The following MCC variants were observed in gnomAD, a reference collection of about 807,000 sequenced individuals.
The protein encoded by MCC is MCC regulator of Wnt signaling pathway.
In MCC, 90 loss-of-function variants were observed where a neutral mutation model predicts 116.2. That is an observed-to-expected ratio of 0.77 (90% CI 0.65 to 0.92). The LOEUF is 0.92. Among genes scored for constraint, MCC ranks in the 40% least tolerant of loss-of-function variants. The pLI, the probability that MCC is intolerant of heterozygous loss-of-function variation, is 0.00. For missense variants in MCC, 1,516 were observed against 1,312.2 expected (o/e 1.16, Z -2.40); for synonymous variants, 578 against 510.5 (o/e 1.13, Z -1.78).
intron 17 of MCC, among the ~76,000 whole-genome samples, chr5:113,031,075 G>T (rs934451899): frequency 1.7e-4 from 26 of 152,162 alleles, no homozygotes; most frequent in African/African-American, 6.3e-4. Context: ...TTACATTTCT[G>T]CCTTTAGCTA....
intron 3 of MCC, among the ~76,000 whole-genome samples, chr5:113,196,835 T>C (rs575600704): frequency 6.6e-6 from 1 of 152,200 alleles, no homozygotes; most frequent in South Asian, 2.1e-4. Flanking sequence ...CAAGACTCTA[T>C]CTCAAAAATC....
chr5:113,207,505 T>G (rs1762961827), intron 3 of MCC, among the ~76,000 whole-genome samples: 1 of 152,082 alleles, frequency 6.6e-6, no homozygotes, highest in Admixed American at 6.5e-5. Flanking sequence ...GAACTGAATC[T>G]TAGAGAATGG....
intron 11 of MCC, among the ~76,000 whole-genome samples, chr5:113,078,749 A>T (rs944510578): frequency 6.6e-6 from 1 of 152,238 alleles, no homozygotes; most frequent in African/African-American, 2.4e-5. Context: ...AAACTGGCAC[A>T]AGACAGGGAT....
At chr5:113,120,930 C>A (rs764819291) in intron 6 of MCC, among the ~76,000 whole-genome samples, 6 of 152,226 alleles carry the variant, frequency 3.9e-5, no homozygotes, top group Non-Finnish European at 7.3e-5. Flanking sequence ...AAAACACGAT[C>A]TCCACCTATC....
chr5:113,134,504 G>T (rs1225190090), intron 5 of MCC, among the ~76,000 whole-genome samples: 1 of 145,206 alleles, frequency 6.9e-6, no homozygotes, highest in Non-Finnish European at 1.5e-5. Flanking sequence ...CAAGTAGTGT[G>T]ATCCCTCCAG....
At chr5:113,028,411 C>A (rs1466936807) in intron 18 of MCC, among the ~76,000 whole-genome samples, 1 of 151,132 alleles carries the variant, frequency 6.6e-6, no homozygotes, top group Non-Finnish European at 1.5e-5. Flanking sequence ...ATAATAAAAA[C>A]TTTAAATAAT....
intron 2 of MCC, among the ~76,000 whole-genome samples, chr5:113,359,969 A>C (rs1561537394): frequency 6.6e-6 from 1 of 152,192 alleles, no homozygotes; most frequent in African/African-American, 2.4e-5. Flanking sequence ...AAGGCATATT[A>C]ATGGAAGCCA....
At chr5:113,216,083 G>T (rs1236295025) in intron 3 of MCC, among the ~76,000 whole-genome samples, 1 of 152,168 alleles carries the variant, frequency 6.6e-6, no homozygotes, top group Non-Finnish European at 1.5e-5. Context: ...TGTGAATAAA[G>T]TTTTATTGGA....
intron 2 of MCC, among the ~76,000 whole-genome samples, chr5:113,346,279 A>G (rs941986237): frequency 3.3e-5 from 5 of 152,164 alleles, no homozygotes; most frequent in African/African-American, 1.2e-4. Flanking sequence ...AAGAGGAGAT[A>G]GAGACAGAGA....
intron 5 of MCC, among the ~76,000 whole-genome samples, chr5:113,142,250 T>G (rs139815926): frequency 2.6e-5 from 4 of 151,904 alleles, no homozygotes; most frequent in African/African-American, 9.7e-5. Flanking sequence ...CCTCTGAAAC[T>G]GTTTTAAAAT....
intron 3 of MCC, among the ~76,000 whole-genome samples, chr5:113,250,328 G>A (rs1764749091): frequency 6.6e-6 from 1 of 152,148 alleles, no homozygotes; most frequent in African/African-American, 2.4e-5. Context: ...CGTCCAACGT[G>A]GGAAAACTGG....
At chr5:113,337,637 T>A (rs1767900905) in intron 3 of MCC, among the ~76,000 whole-genome samples, 1 of 152,204 alleles carries the variant, frequency 6.6e-6, no homozygotes, top group South Asian at 2.1e-4. Context: ...ATCATTTATA[T>A]TAAACTTTCC....
At chr5:113,447,106 T>C (rs1771244030) in intron 1 of MCC, among the ~76,000 whole-genome samples, 1 of 152,072 alleles carries the variant, frequency 6.6e-6, no homozygotes, top group East Asian at 1.9e-4. Context: ...GGATGAAAAA[T>C]AGGCATAAAT....
chr5:113,107,893 T>C (rs903470555), intron 6 of MCC, among the ~76,000 whole-genome samples: 1 of 152,232 alleles, frequency 6.6e-6, no homozygotes, highest in East Asian at 1.9e-4. Context: ...ATGTGACTAG[T>C]ATTTCCTTCT....
chr5:113,451,860 T>A (rs1213222798), intron 1 of MCC, among the ~76,000 whole-genome samples: 1 of 152,212 alleles, frequency 6.6e-6, no homozygotes, highest in East Asian at 1.9e-4. Flanking sequence ...GCTTAAAAAA[T>A]CAGTGTGTTT....
chr5:113,471,193 T>C (rs1182995052), intron 1 of MCC, among the ~76,000 whole-genome samples: 3 of 152,238 alleles, frequency 2.0e-5, no homozygotes, highest in Non-Finnish European at 4.4e-5. Flanking sequence ...TCATTCTCTG[T>C]CCAGCTTTGT....
chr5:113,294,418 C>T (rs1299894879), intron 3 of MCC: 1 of 1,613,434 alleles, frequency 6.2e-7, no homozygotes, highest in Non-Finnish European at 8.5e-7. Flanking sequence ...TCTCAGTCCC[C>T]CAGGTCTCGG....
chr5:113,297,749 C>CAAAAAA (rs57148050), intron 3 of MCC, among the ~76,000 whole-genome samples: 9 of 60,538 alleles, frequency 1.5e-4, no homozygotes, highest in Admixed American at 4.7e-4. Context: ...GACTCTGTCT[C>CAAAAAA]AAAAAAAAAA....
chr5:113,412,343 A>T (rs973681553), intron 1 of MCC, among the ~76,000 whole-genome samples: 15 of 152,154 alleles, frequency 9.9e-5, no homozygotes, highest in African/African-American at 3.6e-4. Context: ...ATGGCATTGA[A>T]TCTATAAATT....
Sources: allele counts gnomAD v4.1 joint callset (sites outside exome capture counted in the v4.1 genomes callset), GRCh38; gene constraint gnomAD v4.1.1; transcripts MANE v1.5; gene names NCBI Gene and HGNC (gene_info 2026-07-23, HGNC 2026-07-21).